CACNA1C: variants seen among roughly 807,000 people sequenced by gnomAD.
The protein encoded by CACNA1C is voltage-dependent L-type calcium channel subunit alpha-1C.
CACNA1C carries 30 observed loss-of-function variants against 229.0 expected under a neutral mutation model. The ratio of observed to expected loss-of-function variants is 0.13; its 90% CI spans 0.10 to 0.18. The LOEUF is 0.18. Among genes scored for constraint, CACNA1C ranks in the 10% least tolerant of loss-of-function variants. CACNA1C has a pLI of 1.00. For synonymous variants in CACNA1C, 1,114 were observed against 1,132.5 expected (o/e 0.98, Z 0.33); for missense variants, 1,658 against 2,845.0 (o/e 0.58, Z 9.49).
chr12:2,592,749 G>T (rs1601437127), intron 18 of CACNA1C, among the ~76,000 whole-genome samples: 2 of 147,794 alleles, frequency 1.4e-5, no homozygotes, highest in African/African-American at 5.0e-5. Flanking sequence ...GGAAAGTGTT[G>T]GTTTCTAATT....
intron 3 of CACNA1C, among the ~76,000 whole-genome samples, chr12:2,298,920 T>G (rs1405268022): frequency 6.6e-6 from 1 of 152,228 alleles, no homozygotes; most frequent in African/African-American, 2.4e-5. Context: ...AACACTGTTG[T>G]GGCTCCCACC....
At chr12:2,030,814 G>A (rs939555267) in intron 1 of CACNA1C, among the ~76,000 whole-genome samples, 3 of 152,240 alleles carry the variant, frequency 2.0e-5, no homozygotes, top group African/African-American at 7.2e-5. Flanking sequence ...GGGAGCTTGG[G>A]CTCAGGGAAC....
chr12:2,239,958 G>A (rs890757063), intron 3 of CACNA1C, among the ~76,000 whole-genome samples: 10 of 152,162 alleles, frequency 6.6e-5, no homozygotes, highest in Non-Finnish European at 1.2e-4. Flanking sequence ...ATGGAAATAA[G>A]GTTAAAATTG....
intron 3 of CACNA1C, among the ~76,000 whole-genome samples, chr12:2,344,520 G>A (rs139467365): frequency 1.1e-3 from 168 of 152,220 alleles, no homozygotes; most frequent in African/African-American, 3.9e-3. Context: ...AAACATTTAT[G>A]TTCAACTGCT....
intron 1 of CACNA1C, among the ~76,000 whole-genome samples, chr12:2,058,569 A>G (rs1458780559): frequency 6.6e-6 from 1 of 152,242 alleles, no homozygotes; most frequent in African/African-American, 2.4e-5. Context: ...GCAACATATC[A>G]GGTGCCAAAT....
chr12:2,313,823 T>A lies in CACNA1C; in HGVS notation c.478-135153T>A, dbSNP rs983547287. Among the ~76,000 whole-genome samples the A allele has an allele frequency of 9.2e-5, 14 of 152,192 alleles. 1 individual carries two copies. The highest frequency in any genetic ancestry group is 6.5e-4 in the Admixed American group (10 of 15,280). Reference sequence around the variant, plus strand: ...TTTTAGCTGAAAAGGCTTTTATCGCTTTTTATCTATTGACACTTTTTCAAT... The same window carrying A: ...TTTTAGCTGAAAAGGCTTTTATCGCATTTTATCTATTGACACTTTTTCAAT... On this transcript the variant is annotated intron_variant, in intron 3 of 46. Transcript: ENST00000399655.
At chr12:2,197,073 G>A (rs901541059) in intron 3 of CACNA1C, among the ~76,000 whole-genome samples, 6 of 152,152 alleles carry the variant, frequency 3.9e-5, no homozygotes, top group Admixed American at 2.6e-4. Flanking sequence ...GGCTTTCCAC[G>A]AGGTACAGGC....
intron 3 of CACNA1C, among the ~76,000 whole-genome samples, chr12:2,230,603 G>C (rs1272033969): frequency 2.0e-5 from 3 of 152,238 alleles, no homozygotes; most frequent in Non-Finnish European, 4.4e-5. Flanking sequence ...CCGCCCTGCT[G>C]ACCGGGCTCT....
chr12:2,136,167 G>T (rs760235567), intron 3 of CACNA1C, among the ~76,000 whole-genome samples: 1 of 151,320 alleles, frequency 6.6e-6, no homozygotes, highest in African/African-American at 2.4e-5. Flanking sequence ...GCTTTGGCTC[G>T]CGCACCCACT....
intron 3 of CACNA1C, among the ~76,000 whole-genome samples, chr12:2,291,618 G>A (rs914949291): frequency 3.3e-5 from 5 of 152,232 alleles, no homozygotes; most frequent in African/African-American, 1.2e-4. Flanking sequence ...CTGCAGTGGA[G>A]GGCGCAGGAT....
chr12:2,531,374 C>A (rs1260012248), intron 9 of CACNA1C, among the ~76,000 whole-genome samples: 3 of 152,142 alleles, frequency 2.0e-5, no homozygotes, highest in East Asian at 1.9e-4. Context: ...GTTCCTAGTC[C>A]CAGCTCTGAT....
intron 1 of CACNA1C, among the ~76,000 whole-genome samples, chr12:1,976,229 C>G (rs1366692725): frequency 6.6e-6 from 1 of 152,136 alleles, no homozygotes; most frequent in Admixed American, 6.6e-5. Flanking sequence ...ACGTATAACC[C>G]TTTATCATAT....
intron 3 of CACNA1C, among the ~76,000 whole-genome samples, chr12:2,347,344 C>T (rs927688992): frequency 3.3e-5 from 5 of 152,228 alleles, no homozygotes; most frequent in African/African-American, 1.2e-4. Flanking sequence ...AGTTCAGCAT[C>T]CAGTGCTGTG....
chr12:2,516,746 A>G (rs1253879973), intron 9 of CACNA1C, among the ~76,000 whole-genome samples: 1 of 152,210 alleles, frequency 6.6e-6, no homozygotes, highest in Non-Finnish European at 1.5e-5. Flanking sequence ...CAGGAAAGCC[A>G]TCTGAGACCT....
rs2099785383 is a variant in CACNA1C, at chr12:2,512,047, C to G, written c.1218-765C>G. 6.6e-6 allele frequency among the ~76,000 whole-genome samples: 1 copy of G among 152,162 alleles called. No homozygotes were observed. The highest frequency in any genetic ancestry group is 1.5e-5 in the Non-Finnish European group (1 of 68,034). On this transcript the variant is annotated intron_variant, in intron 8 of 46. Coordinates refer to ENST00000399655, the MANE Select transcript of CACNA1C (RefSeq NM_000719.7). The surrounding 1 kb of genome is among the most constrained non-coding windows in gnomAD (Gnocchi z 4.3). Reference sequence around the variant, plus strand: ...GTCTTCATGTGGGAGAGAACCTTCTCTAGATTAGAAATCCTTCCAGGAATG... The same window carrying G: ...GTCTTCATGTGGGAGAGAACCTTCTGTAGATTAGAAATCCTTCCAGGAATG...
chr12:2,679,481 A>G lies in CACNA1C; in HGVS notation c.5129A>G (p.Tyr1710Cys), dbSNP rs1485707504. Reference sequence around the variant, plus strand: ...CTGTTCGGCAACCACGTCAGCTACTACCAAAGCGACGGCCGGAGCGCCTTC... The same window carrying G: ...CTGTTCGGCAACCACGTCAGCTACTGCCAAAGCGACGGCCGGAGCGCCTTC... ...GGLFGNHVSY[Y>C]QSDGRSAFPQ... The change falls in exon 42 of 47, where the codon TAC becomes TGC. Residue 1710 changes from tyrosine to cysteine, a missense_variant. Physicochemically the swap from Tyr to Cys is radical, Grantham distance 194. This residue lies in a region of CACNA1C where 590 missense variants were observed against 700.8 expected (regional missense o/e 0.84). Transcript: ENST00000399655. The surrounding 1 kb of genome is among the most constrained non-coding windows in gnomAD (Gnocchi z 5.5). 2 of 1,600,590 alleles carry G rather than the reference A, an allele frequency of 1.2e-6. No individual in the cohort carries two copies. The highest frequency in any genetic ancestry group is 1.7e-6 in the Non-Finnish European group (2 of 1,172,256).
In CACNA1C at chr12:2,165,896, T is replaced by C. The variant is rs117467027; in HGVS notation, c.477+45466T>C. The stretch of plus-strand genomic sequence containing the variant: ...TGAGTTTTAACATTGACTCTCAGAG[T>C]CAGAAAGAATTCCAGAAGATAAAGG... On this transcript the variant is annotated intron_variant, in intron 3 of 46. Coordinates refer to ENST00000399655, the MANE Select transcript of CACNA1C (RefSeq NM_000719.7). Among the ~76,000 whole-genome samples the C allele has an allele frequency of 7.9e-4, 120 of 152,210 alleles. 1 individual carries two copies. Among genetic ancestry groups the C allele is most frequent in the Admixed American group, 2.0e-3 (31 of 15,294 alleles).
At chr12:2,592,456 C>T (rs2065842916) in intron 18 of CACNA1C, among the ~76,000 whole-genome samples, 1 of 152,226 alleles carries the variant, frequency 6.6e-6, no homozygotes, top group Admixed American at 6.5e-5. Flanking sequence ...GCTCTTCACT[C>T]CCATGTTGTT....
At chr12:2,513,698 C>T (rs2239102) in intron 9 of CACNA1C, among the ~76,000 whole-genome samples, 26,983 of 152,134 alleles carry the variant, frequency 0.18, 3,214 homozygotes, top group African/African-American at 0.33. Flanking sequence ...CAGGCTCTTA[C>T]CAGACTAGCT....
Sources: gnomAD v4.1 joint callset for allele counts (sites outside exome capture counted in the v4.1 genomes callset) on GRCh38, gnomAD v4.1.1 for gene constraint, gnomAD v4.1.1 regional missense constraint, Gnocchi (gnomAD v3.1) non-coding constraint, MANE v1.5 for transcripts, NCBI Gene and HGNC (gene_info 2026-07-23, HGNC 2026-07-21) for gene names.